The following CLCN5 variants were observed in gnomAD, a reference collection of about 807,000 sequenced individuals.
CLCN5 encodes Cl-/H+ antiporter 5.
In CLCN5, 17 loss-of-function variants were observed where a neutral mutation model predicts 54.0. The ratio of observed to expected loss-of-function variants is 0.31; its 90% CI spans 0.22 to 0.47. The LOEUF is 0.47. Among genes scored for constraint, CLCN5 ranks in the 20% least tolerant of loss-of-function variants. The pLI is 1.00. For missense variants in CLCN5, 448 were observed against 646.7 expected, an observed-to-expected ratio of 0.69 and a Z score of 3.33; for synonymous variants, 222 against 233.0, an observed-to-expected ratio of 0.95 and a Z score of 0.43.
At chrX:50,010,667 TG>T in intron 3 of CLCN5, 1 of 174,116 alleles carries the variant, frequency 5.7e-6, no homozygotes, top group Admixed American at 4.5e-5. Context: ...TCTCCTGTCC[TG>T]GTTCCCCCTC....
At chrX:50,052,690 G>C (rs1932623466) in intron 4 of CLCN5, among the ~76,000 whole-genome samples, 2 of 110,916 alleles carry the variant, frequency 1.8e-5, no homozygotes, top group South Asian at 7.6e-4. Context: ...TTTTGGCAAG[G>C]TTATTAATTT....
intron 3 of CLCN5, among the ~76,000 whole-genome samples, chrX:49,939,466 G>T (rs1020036293): frequency 1.8e-4 from 20 of 111,365 alleles, no homozygotes; most frequent in East Asian, 5.6e-4. Flanking sequence ...CCATAAAAAA[G>T]GATGAGTTCA....
chrX:50,020,954 C>A (rs1557184253), intron 3 of CLCN5, among the ~76,000 whole-genome samples: 1 of 44,524 alleles, frequency 2.2e-5, no homozygotes, highest in African/African-American at 1.5e-4. Context: ...ATTGACTTGG[C>A]AATGCAGGCT....
intron 3 of CLCN5, among the ~76,000 whole-genome samples, chrX:49,942,754 A>G (rs1456717579): frequency 7.2e-5 from 8 of 110,612 alleles, no homozygotes; most frequent in Non-Finnish European, 1.3e-4. Flanking sequence ...TTATGGCTGC[A>G]TAGTATCCCA....
At chrX:50,050,583 A>G (rs1932544506) in intron 4 of CLCN5, among the ~76,000 whole-genome samples, 1 of 92,917 alleles carries the variant, frequency 1.1e-5, no homozygotes, top group African/African-American at 4.1e-5. Context: ...AGTTCTTTGT[A>G]TTTTGGATAC....
intron 3 of CLCN5, among the ~76,000 whole-genome samples, chrX:49,953,799 G>A (rs994147660): frequency 1.8e-5 from 2 of 112,065 alleles, no homozygotes; most frequent in Admixed American, 1.9e-4. Context: ...GAATTGGATA[G>A]GTAGGAGGGT....
intron 3 of CLCN5, among the ~76,000 whole-genome samples, chrX:50,035,288 T>TA (rs1557186398): frequency 9.0e-6 from 1 of 111,570 alleles, no homozygotes; most frequent in African/African-American, 3.3e-5. Flanking sequence ...AAACTCTTTT[T>TA]ATCTCCCTAA....
chrX:50,081,222 A>ATT (rs373655000), intron 8 of CLCN5, among the ~76,000 whole-genome samples: 1 of 103,649 alleles, frequency 9.6e-6, no homozygotes, highest in Admixed American at 1.0e-4. Context: ...ATAAGTCACA[A>ATT]TTTTTTTTTT....
chrX:50,056,084 T>G (rs781978770), intron 4 of CLCN5, among the ~76,000 whole-genome samples: 1 of 109,551 alleles, frequency 9.1e-6, no homozygotes, highest in South Asian at 4.0e-4. Flanking sequence ...TGAAACTTAT[T>G]TTTCTGTCCA....
chrX:50,030,432 T>C (rs1385071720), intron 3 of CLCN5, among the ~76,000 whole-genome samples: 1 of 111,957 alleles, frequency 8.9e-6, no homozygotes, highest in African/African-American at 3.2e-5. Context: ...CATATATTAC[T>C]TTTGGCTATT....
chrX:49,975,700 T>C (rs981198832), intron 3 of CLCN5, among the ~76,000 whole-genome samples: 1 of 111,688 alleles, frequency 9.0e-6, no homozygotes, highest in Non-Finnish European at 1.9e-5. Flanking sequence ...ATCTATTAAT[T>C]GTGAGTATTC....
intron 3 of CLCN5, among the ~76,000 whole-genome samples, chrX:50,010,212 T>TC (rs2056221904): frequency 9.1e-6 from 1 of 109,983 alleles, no homozygotes; most frequent in African/African-American, 3.3e-5. Context: ...TTTCTTTCCT[T>TC]CCTTTCCTTT....
chrX:49,932,517 T>C (rs980719211), intron 3 of CLCN5, among the ~76,000 whole-genome samples: 2 of 112,163 alleles, frequency 1.8e-5, no homozygotes, highest in African/African-American at 6.5e-5. Context: ...GAGCGCAGCA[T>C]GTGTGGCCCC....
At chrX:50,028,846 T>C (rs1161903054) in intron 3 of CLCN5, among the ~76,000 whole-genome samples, 1 of 112,424 alleles carries the variant, frequency 8.9e-6, no homozygotes, top group Non-Finnish European at 1.9e-5. Context: ...ATACATTCCC[T>C]GATGCAAGAA....
intron 3 of CLCN5, among the ~76,000 whole-genome samples, chrX:49,981,693 C>CT (rs5902467): frequency 0.012 from 1,155 of 96,283 alleles, 10 homozygotes; most frequent in South Asian, 0.021. Context: ...GCCATTGAAC[C>CT]TTTTTTTTTT....
rs782611333 is a variant in CLCN5 at position 50,055,322 on chromosome X, G to A, written c.163+12860G>A. Among the ~76,000 whole-genome samples the A allele has an allele frequency of 6.2e-5, 7 of 112,025 alleles. No homozygotes were observed. In the South Asian group the frequency reaches 2.6e-3, roughly 42 times the overall value. ...TTTACTAATACACCTTCATGTTACAGATGGAAAACCTGTAAACCCACAGAG... is the reference window on the plus strand; with the variant it reads ...TTTACTAATACACCTTCATGTTACAAATGGAAAACCTGTAAACCCACAGAG... On this transcript the variant is annotated intron_variant, in intron 4 of 14. Coordinates refer to ENST00000376091, the MANE Select transcript of CLCN5 (RefSeq NM_001127898.4).
At chrX:50,007,783 C>G (rs1425279305) in intron 3 of CLCN5, among the ~76,000 whole-genome samples, 1 of 111,983 alleles carries the variant, frequency 8.9e-6, no homozygotes, top group Non-Finnish European at 1.9e-5. Flanking sequence ...AGGTACTATA[C>G]TTTATTTCAT....
chrX:49,984,589 C>G (rs1468520994), intron 3 of CLCN5, among the ~76,000 whole-genome samples: 1 of 107,548 alleles, frequency 9.3e-6, no homozygotes, highest in Admixed American at 1.0e-4. Flanking sequence ...CTCTTTCGTT[C>G]CTTCTCTTCT....
intron 3 of CLCN5, among the ~76,000 whole-genome samples, chrX:49,947,496 G>A (rs907830901): frequency 8.1e-5 from 9 of 110,695 alleles, no homozygotes; most frequent in African/African-American, 3.0e-4. Context: ...AGAGGGAAAA[G>A]GTGCCAAGGG....
Sources: gnomAD v4.1 joint callset for allele counts (sites outside exome capture counted in the v4.1 genomes callset) on GRCh38, gnomAD v4.1.1 for gene constraint, MANE v1.5 for transcripts, NCBI Gene and HGNC (gene_info 2026-07-23, HGNC 2026-07-21) for gene names.